Variants in SFMBT2 observed in about 807,000 individuals in gnomAD.
SFMBT2 encodes scm-like with four MBT domains protein 2.
A neutral mutation model predicts 110.1 loss-of-function variants in SFMBT2; 38 were observed. The ratio of observed to expected loss-of-function variants is 0.35; its 90% CI spans 0.27 to 0.45. The LOEUF is 0.45. SFMBT2 is among the 20% of genes least tolerant of loss of function. The pLI is 1.00. For missense variants in SFMBT2, 1,011 were observed against 1,094.9 expected, an observed-to-expected ratio of 0.92 and a Z score of 1.08; for synonymous variants, 425 against 425.4, an observed-to-expected ratio of 1.00 and a Z score of 0.01.
chr10:7,270,920 C>A (rs185734645), intron 7 of SFMBT2, among the ~76,000 whole-genome samples: 9 of 152,240 alleles, frequency 5.9e-5, no homozygotes, highest in Admixed American at 1.3e-4. Flanking sequence ...AATGTGTATA[C>A]CTTTTGAGTC....
At chr10:7,262,889 CAGGCAA>C (rs371718959) in intron 7 of SFMBT2, among the ~76,000 whole-genome samples, 11 of 152,304 alleles carry the variant, frequency 7.2e-5, no homozygotes, top group African/African-American at 2.6e-4. Context: ...GTACCCAGAA[CAGGCAA>C]AGGATCCCAC....
At chr10:7,278,968 G>A (rs1841862393) in intron 6 of SFMBT2, among the ~76,000 whole-genome samples, 1 of 151,962 alleles carries the variant, frequency 6.6e-6, no homozygotes, top group Non-Finnish European at 1.5e-5. Context: ...GGGTGCGGTG[G>A]CAGGCGTCTG....
intron 16 of SFMBT2, among the ~76,000 whole-genome samples, chr10:7,179,016 A>G (rs1324838888): frequency 2.0e-5 from 3 of 152,224 alleles, no homozygotes; most frequent in African/African-American, 7.2e-5. Flanking sequence ...ATACTTTTCC[A>G]CTAATAAATC....
chr10:7,226,386 T>G (rs146910376), intron 10 of SFMBT2, among the ~76,000 whole-genome samples: 1 of 152,366 alleles, frequency 6.6e-6, no homozygotes, highest in East Asian at 1.9e-4. Flanking sequence ...TTGCACTCAC[T>G]TTTGAACTTC....
intron 9 of SFMBT2, chr10:7,228,309 A>T (rs922741175): frequency 1.6e-6 from 1 of 623,052 alleles, no homozygotes; most frequent in African/African-American, 2.0e-5. Flanking sequence ...AGGAAGCCTG[A>T]GTTCGTGGGA....
At chr10:7,184,990 G>C (rs1259707946) in intron 16 of SFMBT2, among the ~76,000 whole-genome samples, 2 of 152,128 alleles carry the variant, frequency 1.3e-5, no homozygotes, top group Non-Finnish European at 2.9e-5. Context: ...TGGACTTCAG[G>C]GTCGGGAGAA....
chr10:7,188,543 C>A (rs755159219), intron 16 of SFMBT2, 81 bp downstream of exon 16: 2 of 1,086,916 alleles, frequency 1.8e-6, no homozygotes, highest in African/African-American at 3.1e-5. Context: ...AGGGCTGTGT[C>A]ACAAAGAGAA....
chr10:7,189,159 C>T (rs940692770), intron 15 of SFMBT2: 15 of 985,258 alleles, frequency 1.5e-5, no homozygotes, highest in Middle Eastern at 5.2e-4. Flanking sequence ...TCTACTCATG[C>T]CAACACTTCT....
intron 4 of SFMBT2, among the ~76,000 whole-genome samples, chr10:7,305,237 T>C (rs1450708872): frequency 6.6e-6 from 1 of 152,230 alleles, no homozygotes; most frequent in African/African-American, 2.4e-5. Context: ...TCTTTCCACG[T>C]GCAAAGTACT....
intron 8 of SFMBT2, among the ~76,000 whole-genome samples, chr10:7,246,830 G>A (rs557668609): frequency 1.8e-4 from 27 of 151,450 alleles, no homozygotes; most frequent in South Asian, 8.3e-4. Context: ...ACTCTGTAGC[G>A]TGATACATCT....
intron 7 of SFMBT2, among the ~76,000 whole-genome samples, chr10:7,270,337 C>T (rs1841543090): frequency 6.6e-6 from 1 of 152,132 alleles, no homozygotes; most frequent in Non-Finnish European, 1.5e-5. Flanking sequence ...ACACTAGTCT[C>T]CAGAAGCATG....
chr10:7,241,170 T>C (rs1312056444), intron 9 of SFMBT2: 2 of 196,052 alleles, frequency 1.0e-5, no homozygotes, highest in African/African-American at 4.7e-5. Flanking sequence ...CTGCTCCTCA[T>C]TGCCTTCCAC....
At chr10:7,228,725 TTCTTTCTTTCCTTTCTCTCTCTCTCTCTC>T (rs1839996872) in intron 9 of SFMBT2, among the ~76,000 whole-genome samples, 3 of 108,544 alleles carry the variant, frequency 2.8e-5, no homozygotes, top group African/African-American at 8.5e-5. Flanking sequence ...CTTTCTTTCT[TTCTTTCTTTCCTTTCTCTCTCTCTCTCTC>T]TCTCTCTCTC....
chr10:7,243,810 T>A, intron 8 of SFMBT2, 105 bp from the exon 9 acceptor site: 1 of 649,686 alleles, frequency 1.5e-6, no homozygotes, highest in East Asian at 2.7e-5. Context: ...ATATAGTTCA[T>A]CAAAATGATT....
At chr10:7,312,249 C>A (rs1374509156) in intron 4 of SFMBT2, among the ~76,000 whole-genome samples, 2 of 152,154 alleles carry the variant, frequency 1.3e-5, no homozygotes, top group African/African-American at 4.8e-5. Context: ...TTGCACCACC[C>A]TAAGGCATAA....
rs1004593388 is a variant in SFMBT2 at position 7,163,636 on chromosome 10, C to A, written c.*134G>T. ...TCACAGGCTGGCGGAGGCAGAAGAT[C>A]CTGGGCTTCTGGTTTTCTGGTGATA... is the stretch of plus-strand genomic sequence containing the variant. On this transcript the variant is annotated 3_prime_UTR_variant, in exon 21 of 21. Coordinates refer to ENST00000397167, the MANE Select transcript of SFMBT2 (RefSeq NM_001387889.1). This position sits in a 1 kb window ranked among gnomAD's most constrained non-coding sequence, Gnocchi z 4.8. 1 of 770,084 alleles carries A rather than the reference C, an allele frequency of 1.3e-6. No homozygotes were observed. The highest frequency in any genetic ancestry group is 2.1e-6 in the Non-Finnish European group (1 of 484,388). The allele number at this position is 770,084 out of a possible 1,614,324, so 47.7% of individuals were successfully genotyped here. A position where few individuals can be genotyped will look rare whatever the true frequency, so the allele number is the denominator to read the frequency against.
At chr10:7,288,857 C>A (rs866810333) in intron 4 of SFMBT2, among the ~76,000 whole-genome samples, 17 of 149,392 alleles carry the variant, frequency 1.1e-4, no homozygotes, top group South Asian at 6.4e-4. Flanking sequence ...GGTGAAACCC[C>A]CCCCCCCATC....
At chr10:7,320,175 C>G (rs1471579211) in intron 4 of SFMBT2, among the ~76,000 whole-genome samples, 2 of 152,252 alleles carry the variant, frequency 1.3e-5, no homozygotes, top group Non-Finnish European at 2.9e-5. Flanking sequence ...CTTTAATACA[C>G]TGTCATACAT....
At chr10:7,364,799 T>C (rs1844840490) in intron 4 of SFMBT2, among the ~76,000 whole-genome samples, 1 of 152,212 alleles carries the variant, frequency 6.6e-6, no homozygotes. Context: ...GCCCCCGGCA[T>C]GAACGCAACT....
Sources: gnomAD v4.1 joint callset for allele counts (sites outside exome capture counted in the v4.1 genomes callset) on GRCh38, gnomAD v4.1.1 for gene constraint, Gnocchi (gnomAD v3.1) non-coding constraint, MANE v1.5 for transcripts, NCBI Gene and HGNC (gene_info 2026-07-23, HGNC 2026-07-21) for gene names.